PCDHGA7: variants seen among roughly 807,000 people sequenced by gnomAD.
PCDHGA7 encodes protocadherin gamma-A7.
PCDHGA7 carries 44 observed loss-of-function variants against 58.3 expected under a neutral mutation model. The ratio of observed to expected loss-of-function variants is 0.75; its 90% CI spans 0.59 to 0.97. The LOEUF is 0.97. PCDHGA7 is among the 50% of genes least tolerant of loss of function. PCDHGA7 has a pLI of 0.00. For synonymous variants in PCDHGA7, 516 were observed against 504.2 expected (o/e 1.02, Z -0.31); for missense variants, 1,266 against 1,188.7 (o/e 1.06, Z -0.96).
intron 1 of PCDHGA7, among the ~76,000 whole-genome samples, chr5:141,449,131 G>A (rs530494400): frequency 7.9e-5 from 12 of 152,220 alleles, no homozygotes; most frequent in Non-Finnish European, 1.3e-4. Flanking sequence ...CCCAGAAATG[G>A]AATTGAAATT....
chr5:141,426,371 C>T (rs987346395), intron 1 of PCDHGA7: 4 of 217,048 alleles, frequency 1.8e-5, no homozygotes, highest in African/African-American at 9.0e-5. Context: ...TGCGGGGCAC[C>T]CTCGGAGCAG....
At chr5:141,410,430 A>G in intron 1 of PCDHGA7, 1 of 1,613,976 alleles carries the variant, frequency 6.2e-7, no homozygotes, top group Middle Eastern at 1.6e-4. Context: ...CCCCCCAACT[A>G]CAGTGAGGGG....
At chr5:141,510,879 G>T in intron 3 of PCDHGA7, 68 bp from the exon 4 acceptor site, 1 of 1,611,520 alleles carries the variant, frequency 6.2e-7, no homozygotes, top group Non-Finnish European at 8.5e-7. Flanking sequence ...TAACTGCTGG[G>T]GATATAAGAC....
At chr5:141,423,598 C>A in intron 1 of PCDHGA7, 1 of 1,612,940 alleles carries the variant, frequency 6.2e-7, no homozygotes, top group East Asian at 2.2e-5. Flanking sequence ...GAAAAGCGAG[C>A]CACTCTTGAT....
chr5:141,473,117 C>A (rs976493841), intron 1 of PCDHGA7, among the ~76,000 whole-genome samples: 4 of 152,140 alleles, frequency 2.6e-5, no homozygotes, highest in Admixed American at 1.3e-4. Flanking sequence ...CTTTACTTGG[C>A]TCTTTGGCAA....
At position 141,477,418 on chromosome 5, in the gene PCDHGA7, C is replaced by G. The variant is rs759728291; in HGVS notation, c.2425-17389C>G. ...GCATCACCGCCCGAGACGCCGGAAC[C>G]CCTTCCCTCTCAGCCCTTACAATAG... On this transcript the variant is annotated intron_variant, in intron 1 of 3. Transcript: ENST00000518325. This position sits in a 1 kb window ranked among gnomAD's most constrained non-coding sequence, Gnocchi z 4.9. 2 of 1,614,166 alleles carry G rather than the reference C, an allele frequency of 1.2e-6. No homozygotes were observed. Among genetic ancestry groups the G allele is most frequent in the Non-Finnish European group, 1.7e-6 (2 of 1,180,030 alleles).
At chr5:141,403,214 G>A in intron 1 of PCDHGA7, 5 of 1,613,990 alleles carry the variant, frequency 3.1e-6, no homozygotes, top group Non-Finnish European at 4.2e-6. Context: ...GGTCACCGCG[G>A]GTAGGATAGA....
At chr5:141,403,877 T>A in intron 1 of PCDHGA7, 1 of 1,613,796 alleles carries the variant, frequency 6.2e-7, no homozygotes, top group Non-Finnish European at 8.5e-7. Context: ...AAGTCTAGAT[T>A]ATGAAGAATG....
intron 2 of PCDHGA7, among the ~76,000 whole-genome samples, chr5:141,496,767 T>C (rs2099771224): frequency 6.6e-6 from 1 of 152,040 alleles, no homozygotes; most frequent in Non-Finnish European, 1.5e-5. Flanking sequence ...ATCGAGCATC[T>C]ACTATGAGCA....
chr5:141,464,208 T>G (rs915798868), intron 1 of PCDHGA7, among the ~76,000 whole-genome samples: 1 of 148,120 alleles, frequency 6.8e-6, no homozygotes, highest in Admixed American at 6.9e-5. Context: ...GAGATTGCAG[T>G]GAGCTGAGAT....
intron 1 of PCDHGA7, chr5:141,400,143 T>G: frequency 6.2e-7 from 1 of 1,614,104 alleles, no homozygotes; most frequent in Non-Finnish European, 8.5e-7. Context: ...CGGATATCAC[T>G]GACCGCCCTG....
chr5:141,435,059 G>A (rs2097741198), intron 1 of PCDHGA7, among the ~76,000 whole-genome samples: 1 of 152,042 alleles, frequency 6.6e-6, no homozygotes, highest in Non-Finnish European at 1.5e-5. Context: ...CCATGCAGCA[G>A]TTTTGTGTAG....
chr5:141,465,629 C>A (rs1048373153), intron 1 of PCDHGA7, among the ~76,000 whole-genome samples: 1 of 152,204 alleles, frequency 6.6e-6, no homozygotes, highest in Non-Finnish European at 1.5e-5. Flanking sequence ...AGTCAACCAG[C>A]AAAATGCTTT....
chr5:141,448,818 G>A (rs2098609016), intron 1 of PCDHGA7, among the ~76,000 whole-genome samples: 1 of 151,984 alleles, frequency 6.6e-6, no homozygotes, highest in Admixed American at 6.6e-5. Context: ...GATGGCGGGC[G>A]CCTGTAGTCC....
rs779792543 is a variant in PCDHGA7 at position 141,486,994 on chromosome 5, C to T, written c.2425-7813C>T. ...ATTCAGGTTACAATGCTTGGGTTTCCTATCAGCTCCTGGAGGCCCCAGATC... is the reference window on the plus strand; with the variant it reads ...ATTCAGGTTACAATGCTTGGGTTTCTTATCAGCTCCTGGAGGCCCCAGATC... On this transcript the variant is annotated intron_variant, in intron 1 of 3. Coordinates refer to ENST00000518325, the MANE Select transcript of PCDHGA7 (RefSeq NM_018920.4). This position sits in a 1 kb window ranked among gnomAD's most constrained non-coding sequence, Gnocchi z 5.0. The T allele has an allele frequency of 6.2e-7, 1 of 1,614,214 alleles. No individual in the cohort carries two copies. The highest frequency in any genetic ancestry group is 8.5e-7 in the Non-Finnish European group (1 of 1,180,034).
intron 1 of PCDHGA7, chr5:141,391,782 T>C (rs2092421963): frequency 6.6e-6 from 1 of 152,222 alleles, no homozygotes; most frequent in African/African-American, 2.4e-5. Flanking sequence ...GTCATTACTT[T>C]TTGCAGTTTT....
chr5:141,414,152 A>T, intron 1 of PCDHGA7: 1 of 1,600,994 alleles, frequency 6.2e-7, no homozygotes, highest in Non-Finnish European at 8.5e-7. Flanking sequence ...ATACAAGCAG[A>T]AGATGGAGGA....
chr5:141,489,042 A>T lies in PCDHGA7; in HGVS notation c.2425-5765A>T. On this transcript the variant is annotated intron_variant, in intron 1 of 3. Coordinates refer to ENST00000518325, the MANE Select transcript of PCDHGA7 (RefSeq NM_018920.4). This position sits in a 1 kb window ranked among gnomAD's most constrained non-coding sequence, Gnocchi z 4.5. ...TCTCCTCCTCCAGCTCCCCAGCTCCACTCAAATTCAGCTCCCCTCCCCCCT... is the reference window on the plus strand; with the variant it reads ...TCTCCTCCTCCAGCTCCCCAGCTCCTCTCAAATTCAGCTCCCCTCCCCCCT... The T allele has an allele frequency of 4.2e-6, 2 of 473,800 alleles. No individual in the cohort carries two copies. The highest frequency in any genetic ancestry group is 3.7e-6 in the Non-Finnish European group (1 of 270,920). 29.3% of individuals were successfully genotyped at this position (473,800 alleles called of 1,614,324 possible).
At chr5:141,419,348 G>A (rs1195474899) in intron 1 of PCDHGA7, 1 of 1,613,816 alleles carries the variant, frequency 6.2e-7, no homozygotes, top group Non-Finnish European at 8.5e-7. Context: ...CAGCGACCTG[G>A]AGTCACGAAC....
Sources: allele counts gnomAD v4.1 joint callset (sites outside exome capture counted in the v4.1 genomes callset), GRCh38; gene constraint gnomAD v4.1.1; non-coding constraint Gnocchi (gnomAD v3.1); transcripts MANE v1.5; gene names NCBI Gene and HGNC (gene_info 2026-07-23, HGNC 2026-07-21).